RGS7BP: variants seen among roughly 807,000 people sequenced by gnomAD.
RGS7BP encodes the protein regulator of G protein signaling 7 binding protein.
Under a neutral mutation model 31.3 loss-of-function variants are expected in RGS7BP, and 9 were observed. The observed-to-expected ratio is 0.29, with a 90% CI of 0.17 to 0.50. The LOEUF is 0.50. RGS7BP is among the 20% of genes least tolerant of loss of function. RGS7BP has a pLI of 0.98. For synonymous variants in RGS7BP, 115 were observed against 120.1 expected, an observed-to-expected ratio of 0.96 and a Z score of 0.28; for missense variants, 274 against 322.0, an observed-to-expected ratio of 0.85 and a Z score of 1.14.
At chr5:64,509,067 C>A (rs1340239797) in intron 2 of RGS7BP, among the ~76,000 whole-genome samples, 1 of 151,902 alleles carries the variant, frequency 6.6e-6, no homozygotes, top group Non-Finnish European at 1.5e-5. Flanking sequence ...TATTGAGAAG[C>A]CTTATCCTTT....
At chr5:64,518,047 G>C (rs1399790408) in intron 2 of RGS7BP, among the ~76,000 whole-genome samples, 4 of 152,094 alleles carry the variant, frequency 2.6e-5, no homozygotes, top group South Asian at 4.1e-4. Flanking sequence ...TCTGGAGATG[G>C]GGATAAACTG....
intron 2 of RGS7BP, among the ~76,000 whole-genome samples, chr5:64,566,863 T>C (rs924577809): frequency 2.6e-5 from 4 of 151,900 alleles, no homozygotes; most frequent in Non-Finnish European, 5.9e-5. Flanking sequence ...CTTTTGTGAG[T>C]CTAAAAACTG....
chr5:64,523,050 C>T (rs906767269), intron 2 of RGS7BP, among the ~76,000 whole-genome samples: 4 of 152,134 alleles, frequency 2.6e-5, no homozygotes, highest in Admixed American at 2.6e-4. Context: ...TCTTTGGGAA[C>T]TATGCTGACT....
intron 2 of RGS7BP, among the ~76,000 whole-genome samples, chr5:64,537,377 C>T (rs1741404696): frequency 6.6e-6 from 1 of 152,188 alleles, no homozygotes; most frequent in Admixed American, 6.5e-5. Context: ...CCGCGGGTTA[C>T]AAGCTTGGTT....
rs374336158 is a variant in RGS7BP, at chr5:64,588,494, A to G, written c.464-6216A>G. Among the ~76,000 whole-genome samples the G allele has an allele frequency of 1.1e-4, 16 of 152,212 alleles. 1 individual carries two copies. Among genetic ancestry groups the G allele is most frequent in the Admixed American group, 5.9e-4 (9 of 15,268 alleles). On this transcript the variant is annotated intron_variant, in intron 3 of 5. Coordinates refer to ENST00000334025, the MANE Select transcript of RGS7BP (RefSeq NM_001029875.3). The stretch of plus-strand genomic sequence containing the variant: ...CTGTCACGCAGCCCACTGTGTGTAC[A>G]GGTAGTGTTTGGCCCTTTTGCTCCT...
chr5:64,585,123 C>T (rs1456653530), intron 3 of RGS7BP, among the ~76,000 whole-genome samples: 1 of 152,000 alleles, frequency 6.6e-6, no homozygotes, highest in Non-Finnish European at 1.5e-5. Context: ...TTTTGTTGTT[C>T]GCATTCAGTC....
intron 2 of RGS7BP, among the ~76,000 whole-genome samples, chr5:64,508,666 C>T (rs1472011251): frequency 6.6e-6 from 1 of 152,160 alleles, no homozygotes; most frequent in Non-Finnish European, 1.5e-5. Context: ...CAAGGAAACA[C>T]AGGAATCCTT....
At chr5:64,580,290 A>G (rs1742555423) in intron 3 of RGS7BP, among the ~76,000 whole-genome samples, 1 of 152,140 alleles carries the variant, frequency 6.6e-6, no homozygotes, top group African/African-American at 2.4e-5. Context: ...GAAGTGAGAA[A>G]CCTTACTACT....
chr5:64,508,038 C>T (rs1192956399), intron 2 of RGS7BP, among the ~76,000 whole-genome samples, 161 bp downstream of exon 2: 1 of 152,124 alleles, frequency 6.6e-6, no homozygotes. Flanking sequence ...TAGGCCAAAC[C>T]ATAATTTGAA....
intron 2 of RGS7BP, among the ~76,000 whole-genome samples, chr5:64,561,118 C>T (rs1011240259): frequency 6.6e-6 from 1 of 152,124 alleles, no homozygotes; most frequent in Admixed American, 6.6e-5. Context: ...CACTAGCTTA[C>T]ACTAGCCTGA....
At chr5:64,584,450 C>A (rs1742687625) in intron 3 of RGS7BP, among the ~76,000 whole-genome samples, 1 of 152,066 alleles carries the variant, frequency 6.6e-6, no homozygotes, top group South Asian at 2.1e-4. Context: ...GCCCTGACAC[C>A]CAGTATGGAA....
At chr5:64,534,279 G>A (rs141701922) in intron 2 of RGS7BP, among the ~76,000 whole-genome samples, 1 of 152,256 alleles carries the variant, frequency 6.6e-6, no homozygotes, top group African/African-American at 2.4e-5. Context: ...CAGGAAAGCA[G>A]GACAAGACAA....
chr5:64,562,726 C>T (rs759805601), intron 2 of RGS7BP, among the ~76,000 whole-genome samples: 6 of 152,156 alleles, frequency 3.9e-5, no homozygotes, highest in Non-Finnish European at 7.4e-5. Context: ...GGACCCAAAT[C>T]CATGGCCCAT....
intron 3 of RGS7BP, 71 bp downstream of exon 3, chr5:64,575,975 G>C: frequency 1.5e-6 from 2 of 1,369,796 alleles, no homozygotes; most frequent in South Asian, 2.7e-5. Flanking sequence ...CAAAGTGTCC[G>C]TATATACCAT....
chr5:64,512,472 G>A lies in RGS7BP; in HGVS notation c.332+4595G>A, dbSNP rs182597045. Among the ~76,000 whole-genome samples, 392 of 152,184 alleles carry A rather than the reference G, an allele frequency of 2.6e-3. 5 individuals are homozygous for A. The highest frequency in any genetic ancestry group is 0.025 in the South Asian group (120 of 4,816). ...TGCTATTCACATGTAGTATGAAGTC[G>A]GGCAAAGATATTGTCTCTCCCTCTC... On this transcript the variant is annotated intron_variant, in intron 2 of 5. Transcript: ENST00000334025.
intron 2 of RGS7BP, among the ~76,000 whole-genome samples, chr5:64,526,537 G>A (rs1226166167): frequency 6.6e-6 from 1 of 152,126 alleles, no homozygotes; most frequent in African/African-American, 2.4e-5. Context: ...TGGTGGGTGA[G>A]CACCATTTTC....
rs1279911825 is a variant in RGS7BP, at chr5:64,507,855, C to A, written c.310C>A (p.Gln104Lys). 1 of 1,612,974 alleles carries A rather than the reference C, an allele frequency of 6.2e-7. No individual in the cohort carries two copies. The highest frequency in any genetic ancestry group is 1.1e-5 in the South Asian group (1 of 90,924). Reference sequence around the variant, plus strand: ...CTGTGAAATGGCCCGTCAGGCACACCAAAAATTGGCTGCCATCTCAGGGTA... The same window carrying A: ...CTGTGAAATGGCCCGTCAGGCACACAAAAAATTGGCTGCCATCTCAGGGTA... ...KGCEMARQAH[Q>K]KLAAISGPED... is the part of the protein sequence containing the mutation. Residue 104 changes from glutamine to lysine, a missense_variant, in exon 2 of 6, where the codon CAA (glutamine) becomes AAA (lysine). Transcript: ENST00000334025.
intron 2 of RGS7BP, among the ~76,000 whole-genome samples, chr5:64,515,460 A>G (rs1174625008): frequency 6.6e-6 from 1 of 152,156 alleles, no homozygotes; most frequent in Non-Finnish European, 1.5e-5. Flanking sequence ...TAGTATCATA[A>G]CATCTCTCTG....
chr5:64,575,734 T>G, intron 2 of RGS7BP, 40 bp from the exon 3 acceptor site: 1 of 1,576,824 alleles, frequency 6.3e-7, no homozygotes, highest in African/African-American at 1.4e-5. Flanking sequence ...GAGTGAAATC[T>G]TGAGAATGTT....
Sources: allele counts gnomAD v4.1 joint callset (sites outside exome capture counted in the v4.1 genomes callset), GRCh38; gene constraint gnomAD v4.1.1; transcripts MANE v1.5; gene names NCBI Gene and HGNC (gene_info 2026-07-23, HGNC 2026-07-21).